Variants in CPEB2 observed in about 807,000 individuals in gnomAD.
CPEB2 encodes the protein cytoplasmic polyadenylation element-binding protein 2.
A neutral mutation model predicts 93.6 loss-of-function variants in CPEB2; 56 were observed. The ratio of observed to expected loss-of-function variants is 0.60; its 90% CI spans 0.48 to 0.75. The LOEUF (loss-of-function observed/expected upper bound fraction) is 0.75. CPEB2 is among the 30% of genes least tolerant of loss of function. The pLI is 0.00. For synonymous variants in CPEB2, 764 were observed against 586.3 expected (o/e 1.30, Z -4.38); for missense variants, 1,579 against 1,395.1 (o/e 1.13, Z -2.10).
Position 15,044,551 on chromosome 4 carries a change from T to C in CPEB2, c.2200+4064T>C, listed in dbSNP as rs2702516. ...GATTATAAATTTTTTAAGTAAATTATCTTCTTTATCCTTAATGAGAAAGGT... is the reference window on the plus strand; with the variant it reads ...GATTATAAATTTTTTAAGTAAATTACCTTCTTTATCCTTAATGAGAAAGGT... On this transcript the variant is annotated intron_variant, in intron 6 of 11. Transcript: ENST00000538197. Among the ~76,000 whole-genome samples the C allele has an allele frequency of 7.4e-3, 1,130 of 152,320 alleles. 15 individuals carry two copies. Among genetic ancestry groups the C allele is most frequent in the African/African-American group, 0.026 (1,077 of 41,562 alleles).
chr4:15,066,309 C>T lies in CPEB2; in HGVS notation c.3034C>T (p.Arg1012Cys), dbSNP rs1729701146. ...GGCAAATATCCACTCTCGTGCTGGA[C>T]GTGAGTTCCATAAGCCATTGGTAAA... ...CWANIHSRAG[R>C]EFHKPLVKEG... The change falls in exon 12 of 12, where the codon CGT (arginine) becomes TGT (cysteine). Residue 1012 changes from arginine (R) to cysteine (C), a missense_variant. Arg to Cys is a radical substitution (Grantham distance 180). Coordinates refer to ENST00000538197, the MANE Select transcript of CPEB2 (RefSeq NM_001177382.2). 6.2e-7 allele frequency: 1 copy of T among 1,613,276 alleles called. No individual in the cohort carries two copies. The highest frequency in any genetic ancestry group is 8.5e-7 in the Non-Finnish European group (1 of 1,179,586).
intron 11 of CPEB2, among the ~76,000 whole-genome samples, chr4:15,062,738 A>G (rs1729315066): frequency 6.6e-6 from 1 of 152,130 alleles, no homozygotes; most frequent in South Asian, 2.1e-4. Context: ...TGTTATTTAA[A>G]TGTTTGTTTT....
chr4:15,063,994 C>G (rs1729455176), intron 11 of CPEB2: 1 of 152,042 alleles, frequency 6.6e-6, no homozygotes, highest in South Asian at 2.1e-4. Context: ...TTTCATCTCT[C>G]CAATATGAAT....
rs1455696955 is a variant in CPEB2 at position 15,067,109 on chromosome 4, A to G, written c.*729A>G. 4 of 152,566 alleles carry G rather than the reference A, an allele frequency of 2.6e-5. No homozygotes were observed. The highest frequency in any genetic ancestry group is 5.9e-5 in the Non-Finnish European group (4 of 68,014). 9.5% of individuals were successfully genotyped at this position (152,566 alleles called of 1,614,324 possible). A position where few individuals can be genotyped will look rare whatever the true frequency, so the allele number is the denominator to read the frequency against. Reference sequence around the variant, plus strand: ...AACTGCCATAGTTTTAGAATGTGAAAAAAATGCATGTTTACTTACCTGTAT... The same window carrying G: ...AACTGCCATAGTTTTAGAATGTGAAGAAAATGCATGTTTACTTACCTGTAT... On this transcript the variant is annotated 3_prime_UTR_variant, in exon 12 of 12. Transcript: ENST00000538197.
At chr4:15,038,423 T>A (rs1463795232) in intron 5 of CPEB2, among the ~76,000 whole-genome samples, 1 of 152,196 alleles carries the variant, frequency 6.6e-6, no homozygotes, top group African/African-American at 2.4e-5. Flanking sequence ...TTCAATTCTC[T>A]ACACCTATGA....
intron 6 of CPEB2, among the ~76,000 whole-genome samples, chr4:15,051,512 T>G (rs1728214847): frequency 6.6e-6 from 1 of 152,252 alleles, no homozygotes; most frequent in Non-Finnish European, 1.5e-5. Flanking sequence ...CCTATAGATA[T>G]TCTCCTCTTT....
intron 3 of CPEB2, among the ~76,000 whole-genome samples, chr4:15,011,187 G>C (rs967246856): frequency 2.1e-5 from 3 of 142,726 alleles, no homozygotes; most frequent in Non-Finnish European, 4.5e-5. Context: ...TGCAACCTCT[G>C]CCTCCCGGGT....
At chr4:15,053,019 A>ATTTTTTT (rs200792935) in intron 7 of CPEB2, among the ~76,000 whole-genome samples, 1 of 144,500 alleles carries the variant, frequency 6.9e-6, no homozygotes. Flanking sequence ...TTATTTATTT[A>ATTTTTTT]TTTATTTTTT....
At chr4:15,015,777 G>A (rs563561253) in intron 3 of CPEB2, among the ~76,000 whole-genome samples, 2 of 151,952 alleles carry the variant, frequency 1.3e-5, no homozygotes, top group Non-Finnish European at 2.9e-5. Context: ...GGCTGAAACT[G>A]CAAATAGTGC....
chr4:15,069,255 G>T lies in CPEB2; in HGVS notation c.*2875G>T, dbSNP rs1729920605. ...CTGCACAGAGCCTCTCCTCAAAGAT[G>T]CTACAAAACTTGAATATAACACATT... On this transcript the variant is annotated 3_prime_UTR_variant, in exon 12 of 12. Coordinates refer to ENST00000538197, the MANE Select transcript of CPEB2 (RefSeq NM_001177382.2). The T allele has an allele frequency of 6.6e-6, 1 of 152,126 alleles. No individual in the cohort carries two copies. Among genetic ancestry groups the T allele is most frequent in the South Asian group, 2.1e-4 (1 of 4,830 alleles). 9.4% of individuals were successfully genotyped at this position (152,126 alleles called of 1,614,324 possible). A position where few individuals can be genotyped will look rare whatever the true frequency, so the allele number is the denominator to read the frequency against.
At position 15,006,632 on chromosome 4, in the gene CPEB2, G is replaced by A. The variant is rs540961792; in HGVS notation, c.1663-673G>A. On this transcript the variant is annotated intron_variant, in intron 1 of 11. Transcript: ENST00000538197. Reference sequence around the variant, plus strand: ...TATACCTCAGTGGATCCACCTATGGGCAACATCAGATAATTGCTTCACAGT... The same window carrying A: ...TATACCTCAGTGGATCCACCTATGGACAACATCAGATAATTGCTTCACAGT... The A allele has an allele frequency of 5.3e-5, 8 of 152,210 alleles. No individual in the cohort carries two copies. In the South Asian group the frequency reaches 6.2e-4, roughly 12 times the overall value. 9.4% of individuals were successfully genotyped at this position (152,210 alleles called of 1,614,324 possible).
chr4:15,003,753 G>T lies in CPEB2; in HGVS notation c.1080G>T (p.Gly360=). Residue 360 remains glycine (G), a synonymous_variant, in exon 1 of 12, where the codon GGG becomes GGT. Transcript: ENST00000538197. The part of the protein sequence containing the change: ...PGGGGGGGGG[G]PPGGGGGGGS... The stretch of plus-strand genomic sequence containing the variant: ...GCGGCGGCGGCGGCGGGGGCGGGGG[G>T]CCCCCAGGAGGCGGAGGGGGAGGCG... The T allele has an allele frequency of 1.7e-6, 2 of 1,203,608 alleles. No individual in the cohort carries two copies. The highest frequency in any genetic ancestry group is 2.1e-6 in the Non-Finnish European group (2 of 973,498). The allele number at this position is 1,203,608 out of a possible 1,614,324, so 74.6% of individuals were successfully genotyped here. A position where few individuals can be genotyped will look rare whatever the true frequency, so the allele number is the denominator to read the frequency against.
intron 10 of CPEB2, among the ~76,000 whole-genome samples, chr4:15,060,059 G>A (rs1729050688): frequency 1.3e-5 from 2 of 152,240 alleles, no homozygotes; most frequent in South Asian, 4.1e-4. Context: ...ATTTGTAGTT[G>A]AGCTGACATA....
Position 15,027,980 on chromosome 4 carries a change from C to G in CPEB2, c.2126-5181C>G, listed in dbSNP as rs76980737. On this transcript the variant is annotated intron_variant, in intron 4 of 11. Transcript: ENST00000538197. Reference sequence around the variant, plus strand: ...GGTAGCTTTGAGTTTGTGCGTTTAACCACTGCACCATAGTGTCTCCCTTTT... The same window carrying G: ...GGTAGCTTTGAGTTTGTGCGTTTAAGCACTGCACCATAGTGTCTCCCTTTT... Among the ~76,000 whole-genome samples, 1,514 of 152,236 alleles carry G rather than the reference C, an allele frequency of 9.9e-3. 33 individuals carry two copies. Among genetic ancestry groups the G allele is most frequent in the African/African-American group, 0.035 (1,442 of 41,554 alleles).
intron 5 of CPEB2, among the ~76,000 whole-genome samples, chr4:15,034,438 T>A (rs1249881300): frequency 6.6e-6 from 1 of 152,198 alleles, no homozygotes; most frequent in Non-Finnish European, 1.5e-5. Flanking sequence ...GAAAAGTGTT[T>A]CATCACATGG....
intron 4 of CPEB2, among the ~76,000 whole-genome samples, chr4:15,022,268 TAA>T (rs1447093791): frequency 2.0e-5 from 3 of 151,976 alleles, no homozygotes; most frequent in Admixed American, 1.3e-4. Flanking sequence ...TTTATTAAAA[TAA>T]AGTACAAAAT....
intron 6 of CPEB2, among the ~76,000 whole-genome samples, chr4:15,044,810 A>G (rs993646903): frequency 2.2e-4 from 33 of 152,184 alleles, no homozygotes. Flanking sequence ...TCTAACATAC[A>G]TGGATGTGTG....
At chr4:15,006,309 A>G (rs907280814) in intron 1 of CPEB2, 5 of 152,132 alleles carry the variant, frequency 3.3e-5, no homozygotes, top group African/African-American at 7.2e-5. Flanking sequence ...TAAGAGAACC[A>G]TATTTATTTG....
chr4:15,064,276 T>A (rs1047304372), intron 11 of CPEB2, among the ~76,000 whole-genome samples: 1 of 152,104 alleles, frequency 6.6e-6, no homozygotes, highest in Non-Finnish European at 1.5e-5. Flanking sequence ...TGAAGTGTAG[T>A]GTTAATGAAA....
Sources: allele counts gnomAD v4.1 joint callset (sites outside exome capture counted in the v4.1 genomes callset), GRCh38; gene constraint gnomAD v4.1.1; transcripts MANE v1.5; gene names NCBI Gene and HGNC (gene_info 2026-07-23, HGNC 2026-07-21).